The following PFKFB3 variants were observed in gnomAD, a reference collection of about 807,000 sequenced individuals.
The protein encoded by PFKFB3 is 6-phosphofructo-2-kinase/fructose-2,6-bisphosphatase 3.
PFKFB3 carries 33 observed loss-of-function variants against 68.0 expected under a neutral mutation model. The observed-to-expected ratio is 0.49, with a 90% CI of 0.37 to 0.65. The LOEUF is 0.65. PFKFB3 is among the 30% of genes least tolerant of loss of function. The pLI is 0.00. For missense variants in PFKFB3, 586 were observed against 712.2 expected (o/e 0.82, Z 2.02); for synonymous variants, 315 against 288.2 (o/e 1.09, Z -0.94).
intron 1 of PFKFB3, among the ~76,000 whole-genome samples, chr10:6,185,410 T>C (rs866026268): frequency 6.6e-6 from 1 of 152,192 alleles, no homozygotes; most frequent in Non-Finnish European, 1.5e-5. Flanking sequence ...CATTCTTTTC[T>C]GAAAACACGT....
chr10:6,146,046 G>A (rs1841379695), intron 1 of PFKFB3, among the ~76,000 whole-genome samples: 1 of 152,148 alleles, frequency 6.6e-6, no homozygotes, highest in African/African-American at 2.4e-5. Flanking sequence ...GTTTGGGTTG[G>A]GAGGGGTTGA....
At chr10:6,302,205 C>G in the PFKFB3 span, among the ~76,000 whole-genome samples, 2 of 151,540 alleles carry the variant, frequency 1.3e-5, no homozygotes, top group South Asian at 4.2e-4. Flanking sequence ...CAGGTATGCG[C>G]CACCACATCC....
chr10:6,192,177 C>A (rs1234670515), intron 1 of PFKFB3, among the ~76,000 whole-genome samples: 1 of 145,584 alleles, frequency 6.9e-6, no homozygotes, highest in Non-Finnish European at 1.5e-5. Flanking sequence ...CACACACACA[C>A]ACACACAGCT....
At chr10:6,148,721 T>A (rs184577758) in intron 1 of PFKFB3, among the ~76,000 whole-genome samples, 1 of 152,134 alleles carries the variant, frequency 6.6e-6, no homozygotes, top group Non-Finnish European at 1.5e-5. Context: ...ATGACTAACT[T>A]TGGGAACCAC....
At chr10:6,173,054 C>T (rs963656002) in intron 1 of PFKFB3, among the ~76,000 whole-genome samples, 7 of 152,210 alleles carry the variant, frequency 4.6e-5, no homozygotes, top group Non-Finnish European at 8.8e-5. Context: ...GTTTGGCCTG[C>T]ATGTCCTTCA....
intron 1 of PFKFB3, among the ~76,000 whole-genome samples, chr10:6,207,238 C>T (rs1414821599): frequency 6.6e-6 from 1 of 152,236 alleles, no homozygotes; most frequent in East Asian, 1.9e-4. Context: ...GAGCTGGAGA[C>T]CAGCCCGGCC....
chr10:6,302,291 G>T, the PFKFB3 span, among the ~76,000 whole-genome samples: 5 of 150,314 alleles, frequency 3.3e-5, no homozygotes, highest in Non-Finnish European at 5.9e-5. Flanking sequence ...CTGACCTCAG[G>T]CGATCCACCT....
At chr10:6,150,926 G>A (rs901714896) in intron 1 of PFKFB3, among the ~76,000 whole-genome samples, 3 of 152,180 alleles carry the variant, frequency 2.0e-5, no homozygotes, top group Admixed American at 6.5e-5. Flanking sequence ...TTGAACCTGG[G>A]GGGGCGGAGA....
intron 1 of PFKFB3, among the ~76,000 whole-genome samples, chr10:6,177,408 C>A (rs747910039): frequency 3.8e-5 from 2 of 52,624 alleles, no homozygotes; most frequent in Middle Eastern, 7.7e-3. Context: ...TTCTTTCTTT[C>A]TTCTTTCTCT....
chr10:6,312,120 G>A, the PFKFB3 span, among the ~76,000 whole-genome samples: 1 of 152,034 alleles, frequency 6.6e-6, no homozygotes, highest in Admixed American at 6.6e-5. Context: ...GCGGGGCTGT[G>A]CTTAGCTCTG....
chr10:6,326,523 G>T, the PFKFB3 span: 59 of 455,850 alleles, frequency 1.3e-4, no homozygotes, highest in Admixed American at 3.1e-4. Flanking sequence ...GAACTGTGCT[G>T]ATAACCCCAA....
downstream of PFKFB3, among the ~76,000 whole-genome samples, chr10:6,240,235 CT>C (rs1217499752): frequency 8.2e-6 from 1 of 121,360 alleles, no homozygotes; most frequent in Admixed American, 9.7e-5. Flanking sequence ...TTTTGGAAAA[CT>C]TTTTATTTTG....
Position 6,206,899 on chromosome 10 carries a change from C to G in PFKFB3, c.76+3563C>G, listed in dbSNP as rs1261892911. Among the ~76,000 whole-genome samples, 278 of 117,458 alleles carry G rather than the reference C, an allele frequency of 2.4e-3. 1 individual carries two copies. Among genetic ancestry groups the G allele is most frequent in the African/African-American group, 7.2e-3 (221 of 30,648 alleles). The allele number at this position is 117,458 out of a possible 152,430, so 77.1% of individuals were successfully genotyped here. ...CAGACTGGGCAGCCAGGCAGAGGGG[C>G]TCCTCACATCCCAGACGATGGGCGG... On this transcript the variant is annotated intron_variant, in intron 1 of 14. Coordinates refer to ENST00000379775, the MANE Select transcript of PFKFB3 (RefSeq NM_004566.4).
At chr10:6,204,337 C>T (rs1843549011) in intron 1 of PFKFB3, among the ~76,000 whole-genome samples, 1 of 152,252 alleles carries the variant, frequency 6.6e-6, no homozygotes, top group South Asian at 2.1e-4. Context: ...ACCGTGGGAT[C>T]CAGGTGCAAA....
At chr10:6,278,544 A>G in the PFKFB3 span, among the ~76,000 whole-genome samples, 44 of 151,314 alleles carry the variant, frequency 2.9e-4, 1 homozygote, top group African/African-American at 9.7e-4. Flanking sequence ...CAAAGTACTG[A>G]GATTACAGGC....
At chr10:6,248,832 T>A (rs987610389) in intron 14 of PFKFB3, among the ~76,000 whole-genome samples, 1 of 152,148 alleles carries the variant, frequency 6.6e-6, no homozygotes, top group Non-Finnish European at 1.5e-5. Context: ...AAAATGGCTA[T>A]TGTCAAAAAG....
rs184145800 is a variant in PFKFB3 at position 6,152,788 on chromosome 10, G to A, written c.16+7775G>A. The stretch of plus-strand genomic sequence containing the variant: ...GCCAGCTACTTGGGAGGCTGAGGTG[G>A]GAGGATTGCCTGAGCCTGGGAAGTT... On this transcript the variant is annotated intron_variant, in intron 1 of 14. Transcript: ENST00000379789. Among the ~76,000 whole-genome samples, 264 of 152,248 alleles carry A rather than the reference G, an allele frequency of 1.7e-3. 2 individuals are homozygous for A. The highest frequency in any genetic ancestry group is 0.016 in the Admixed American group (248 of 15,282).
the PFKFB3 span, among the ~76,000 whole-genome samples, chr10:6,288,278 G>A: frequency 6.9e-6 from 1 of 145,692 alleles, no homozygotes; most frequent in African/African-American, 2.5e-5. Flanking sequence ...ATGTATATAT[G>A]TGCCATGCTG....
At chr10:6,206,281 T>G (rs1215241706) in intron 1 of PFKFB3, among the ~76,000 whole-genome samples, 2 of 143,878 alleles carry the variant, frequency 1.4e-5, no homozygotes, top group East Asian at 2.0e-4. Context: ...AGGTCATAGA[T>G]CAACAGGATC....
Sources: allele counts gnomAD v4.1 joint callset (sites outside exome capture counted in the v4.1 genomes callset), GRCh38; gene constraint gnomAD v4.1.1; transcripts MANE v1.5; gene names NCBI Gene and HGNC (gene_info 2026-07-23, HGNC 2026-07-21).